TTC28: variants seen among roughly 807,000 people sequenced by gnomAD.
TTC28 encodes the protein tetratricopeptide repeat domain 28.
Under a neutral mutation model 198.0 loss-of-function variants are expected in TTC28, and 61 were observed. The ratio of observed to expected loss-of-function variants is 0.31; its 90% CI spans 0.25 to 0.38. The LOEUF (loss-of-function observed/expected upper bound fraction) is 0.38. TTC28 is among the 10% of genes least tolerant of loss of function. The pLI is 1.00. For synonymous variants in TTC28, 1,171 were observed against 1,297.8 expected (o/e 0.90, Z 2.10); for missense variants, 2,678 against 3,164.0 (o/e 0.85, Z 3.69).
At chr22:28,294,312 CAT>C (rs1321028391) in intron 5 of TTC28, among the ~76,000 whole-genome samples, 6 of 152,034 alleles carry the variant, frequency 3.9e-5, no homozygotes, top group African/African-American at 1.4e-4. Context: ...TTCTTAATAA[CAT>C]ATTGTACAGC....
chr22:28,160,401 C>T (rs890677167), intron 6 of TTC28, among the ~76,000 whole-genome samples: 3 of 151,854 alleles, frequency 2.0e-5, no homozygotes, highest in African/African-American at 4.8e-5. Context: ...AGGACATATA[C>T]AAAGAAATAA....
chr22:28,254,036 G>T (rs774325792), intron 5 of TTC28, among the ~76,000 whole-genome samples: 1 of 151,530 alleles, frequency 6.6e-6, no homozygotes, highest in Non-Finnish European at 1.5e-5. Flanking sequence ...CCCAGGAGGC[G>T]GAGGTTGCAG....
intron 6 of TTC28, among the ~76,000 whole-genome samples, chr22:28,110,145 G>A (rs1193007313): frequency 6.6e-6 from 1 of 152,196 alleles, no homozygotes; most frequent in African/African-American, 2.4e-5. Context: ...TCAGGGCAGG[G>A]CAGGAGCTGG....
chr22:28,577,202 AATTT>A (rs773317805), intron 2 of TTC28, among the ~76,000 whole-genome samples: 25 of 152,102 alleles, frequency 1.6e-4, no homozygotes, highest in Non-Finnish European at 3.1e-4. Context: ...GAAATTTTTT[AATTT>A]CTTTCTTAAT....
chr22:28,224,468 T>C (rs1056528267), intron 5 of TTC28, among the ~76,000 whole-genome samples: 1 of 152,152 alleles, frequency 6.6e-6, no homozygotes, highest in African/African-American at 2.4e-5. Flanking sequence ...AATACCTTGA[T>C]GGACCCCAGA....
chr22:28,126,821 A>G (rs1251201437), intron 6 of TTC28, among the ~76,000 whole-genome samples: 1 of 152,236 alleles, frequency 6.6e-6, no homozygotes, highest in Non-Finnish European at 1.5e-5. Flanking sequence ...AATATGCAGA[A>G]TGAATTTCCT....
rs5844802 is a variant in TTC28 at position 28,015,597 on chromosome 22, A to ATT, written c.4074-1207_4074-1206dup. 8.7e-5 allele frequency among the ~76,000 whole-genome samples: 13 copies of ATT among 150,004 alleles called. No homozygotes were observed. In the East Asian group the frequency reaches 2.0e-3, roughly 23 times the overall value. On this transcript the variant is annotated intron_variant, in intron 13 of 22. Transcript: ENST00000397906. The stretch of plus-strand genomic sequence containing the variant: ...ACCACAACACCTAGCTAATTTGTAA[A>ATT]TTTTTTTTTGTAGAGATGGGGTCTC...
At chr22:28,473,120 C>T (rs535189217) in intron 2 of TTC28, among the ~76,000 whole-genome samples, 8 of 151,862 alleles carry the variant, frequency 5.3e-5, no homozygotes, top group South Asian at 2.1e-4. Flanking sequence ...CTTATAAACA[C>T]GAGGATTTCT....
At chr22:28,206,139 T>C (rs768829162) in intron 5 of TTC28, among the ~76,000 whole-genome samples, 26 of 152,070 alleles carry the variant, frequency 1.7e-4, no homozygotes, top group Non-Finnish European at 3.2e-4. Flanking sequence ...TAATTATGCA[T>C]TGGGTCAGCT....
chr22:28,056,957 C>T (rs901751664), intron 12 of TTC28, among the ~76,000 whole-genome samples: 29 of 152,152 alleles, frequency 1.9e-4, no homozygotes, highest in African/African-American at 5.8e-4. Context: ...ATCCATGTTG[C>T]TGTTTGTATT....
chr22:28,196,334 C>T (rs1022382322), intron 5 of TTC28, among the ~76,000 whole-genome samples: 2 of 152,026 alleles, frequency 1.3e-5, no homozygotes, highest in Non-Finnish European at 2.9e-5. Flanking sequence ...CCATAAAAAC[C>T]CTAGAAGAAA....
chr22:28,102,171 A>G (rs1279666855), intron 8 of TTC28, among the ~76,000 whole-genome samples: 1 of 152,214 alleles, frequency 6.6e-6, no homozygotes, highest in Non-Finnish European at 1.5e-5. Context: ...ACAGCATCCA[A>G]TGAGTGTTAA....
intron 5 of TTC28, among the ~76,000 whole-genome samples, chr22:28,258,812 C>T (rs1931130376): frequency 6.6e-6 from 1 of 151,958 alleles, no homozygotes. Flanking sequence ...ATGTCAAGAG[C>T]TGATGAAGAA....
chr22:28,144,856 C>CAAAGCACTGCAAGGTGCAGA (rs1158216257), intron 6 of TTC28, among the ~76,000 whole-genome samples: 1 of 152,186 alleles, frequency 6.6e-6, no homozygotes, highest in African/African-American at 2.4e-5. Flanking sequence ...CATCTGGGCA[C>CAAAGCACTGCAAGGTGCAGA]AAAGCACTGC....
At chr22:28,175,596 G>A (rs539684808) in intron 5 of TTC28, among the ~76,000 whole-genome samples, 5 of 152,106 alleles carry the variant, frequency 3.3e-5, no homozygotes, top group African/African-American at 1.2e-4. Context: ...ATCCGGGCAC[G>A]GTGGTGCATG....
intron 12 of TTC28, among the ~76,000 whole-genome samples, chr22:28,060,727 T>A (rs900547195): frequency 6.6e-6 from 1 of 152,170 alleles, no homozygotes; most frequent in African/African-American, 2.4e-5. Context: ...GTAAAAGTGT[T>A]CCTATTTCTC....
At chr22:28,272,596 G>A (rs1342271159) in intron 5 of TTC28, among the ~76,000 whole-genome samples, 2 of 152,166 alleles carry the variant, frequency 1.3e-5, no homozygotes, top group Admixed American at 1.3e-4. Flanking sequence ...ACTACTTCCT[G>A]TTATGACAGA....
At chr22:28,539,656 T>C (rs372380789) in intron 2 of TTC28, among the ~76,000 whole-genome samples, 1 of 145,440 alleles carries the variant, frequency 6.9e-6, no homozygotes, top group East Asian at 2.0e-4. Flanking sequence ...AGGAAAGAAA[T>C]AGACAGAGAA....
intron 2 of TTC28, among the ~76,000 whole-genome samples, chr22:28,544,249 CAAAA>C (rs2049488323): frequency 6.6e-6 from 1 of 151,954 alleles, no homozygotes; most frequent in African/African-American, 2.4e-5. Flanking sequence ...AACAAACAAA[CAAAA>C]ACACCTTGCA....
Sources: allele counts gnomAD v4.1 joint callset (sites outside exome capture counted in the v4.1 genomes callset), GRCh38; gene constraint gnomAD v4.1.1; transcripts MANE v1.5; gene names NCBI Gene and HGNC (gene_info 2026-07-23, HGNC 2026-07-21).